LMO7: variants seen among roughly 807,000 people sequenced by gnomAD.
The protein encoded by LMO7 is LIM domain only protein 7.
In LMO7, 120 loss-of-function variants were observed where a neutral mutation model predicts 206.5. That is an observed-to-expected ratio of 0.58 (90% CI 0.50 to 0.68). The LOEUF (loss-of-function observed/expected upper bound fraction) is 0.68. LMO7 is among the 30% of genes least tolerant of loss of function. The pLI, the probability that LMO7 is intolerant of heterozygous loss-of-function variation, is 0.00. For synonymous variants in LMO7, 706 were observed against 681.5 expected (o/e 1.04, Z -0.56); for missense variants, 1,959 against 1,957.9 (o/e 1.00, Z -0.01).
intron 1 of LMO7, among the ~76,000 whole-genome samples, chr13:75,697,872 C>A (rs765677108): frequency 6.6e-6 from 1 of 152,118 alleles, no homozygotes; most frequent in Non-Finnish European, 1.5e-5. Context: ...TTGTTGAGAT[C>A]GCTTAAGGCC....
At position 75,835,262 on chromosome 13, in the gene LMO7, A is replaced by G; in HGVS notation, c.3256A>G (p.Thr1086Ala). ...GSPETKWIDA[T>A]SGIYNSEKSS... ...ACCTGAAACAAAGTGGATTGATGCA[A>G]CTTCTGGAATTTACAACTCAGAAAA... The change falls in exon 18 of 31, where the codon ACT (threonine) becomes GCT (alanine). Residue 1086 changes from threonine to alanine, a missense_variant. Thr to Ala is a moderately conservative substitution (Grantham distance 58). Transcript: ENST00000377534. The G allele has an allele frequency of 6.2e-7, 1 of 1,612,286 alleles. No homozygotes were observed. The highest frequency in any genetic ancestry group is 2.2e-5 in the East Asian group (1 of 44,784).
In LMO7 at chr13:75,804,222, C is replaced by T. The variant is rs1236597753; in HGVS notation, c.662-67C>T. ...TTCTAAGGGAAAGACAAAGCAGGCG[C>T]GCTGTGTGGGTTTCAGTTAGGCGAA... On this transcript the variant is annotated intron_variant, in intron 7 of 30. Coordinates refer to ENST00000377534, the MANE Select transcript of LMO7 (RefSeq NM_001306080.2). 92 of 1,498,534 alleles carry T rather than the reference C, an allele frequency of 6.1e-5. 2 individuals carry two copies. In the South Asian group the frequency reaches 9.0e-4, roughly 15 times the overall value. 92.8% of individuals were successfully genotyped at this position (1,498,534 alleles called of 1,614,324 possible). A position where few individuals can be genotyped will look rare whatever the true frequency, so the allele number is the denominator to read the frequency against.
At chr13:75,669,219 G>T (rs2139357752) in intron 1 of LMO7, among the ~76,000 whole-genome samples, 1 of 152,294 alleles carries the variant, frequency 6.6e-6, no homozygotes, top group South Asian at 2.1e-4. Context: ...TTATGTTTCA[G>T]AGAGTTTCTG....
intron 1 of LMO7, among the ~76,000 whole-genome samples, chr13:75,702,539 T>G (rs1168767487): frequency 6.6e-6 from 1 of 152,222 alleles, no homozygotes; most frequent in Non-Finnish European, 1.5e-5. Context: ...CCCAATATTA[T>G]GTAGTACAAT....
At chr13:75,630,449 G>T (rs2034768242) in intron 2 of LMO7, among the ~76,000 whole-genome samples, 1 of 152,200 alleles carries the variant, frequency 6.6e-6, no homozygotes, top group South Asian at 2.1e-4. Flanking sequence ...GAGGCGGGTG[G>T]ATTGCTTGAG....
In LMO7 at chr13:75,629,585, T is replaced by C. The variant is rs574605108; in HGVS notation, c.225+6265T>C. Reference sequence around the variant, plus strand: ...GGGAGAAGCACAGGTCAAGTCGTGGTTAGAGAAGCAGGAAGGAGCAGATCC... The same window carrying C: ...GGGAGAAGCACAGGTCAAGTCGTGGCTAGAGAAGCAGGAAGGAGCAGATCC... On this transcript the variant is annotated intron_variant, in intron 2 of 29. Coordinates refer to the LMO7 transcript ENST00000341547. 2.0e-5 allele frequency among the ~76,000 whole-genome samples: 3 copies of C among 152,190 alleles called. No homozygotes were observed. In the South Asian group the frequency reaches 6.2e-4, roughly 32 times the overall value.
intron 6 of LMO7, 125 bp downstream of exon 6, chr13:75,796,874 C>A: frequency 1.5e-6 from 1 of 649,650 alleles, no homozygotes; most frequent in Non-Finnish European, 2.7e-6. Flanking sequence ...CTCTCTTTGT[C>A]CTACTATCAA....
chr13:75,715,236 C>T (rs1449076861), intron 2 of LMO7, among the ~76,000 whole-genome samples: 2 of 152,128 alleles, frequency 1.3e-5, no homozygotes, highest in African/African-American at 4.8e-5. Context: ...CTATACCCAG[C>T]CTGAAAAGAT....
chr13:75,811,561 G>A (rs1389331334), intron 11 of LMO7, among the ~76,000 whole-genome samples: 1 of 152,100 alleles, frequency 6.6e-6, no homozygotes. Context: ...TAACATGAAT[G>A]CTTTCTTTTT....
chr13:75,833,294 A>G (rs2058836519), intron 16 of LMO7, 129 bp downstream of exon 16: 2 of 632,372 alleles, frequency 3.2e-6, no homozygotes, highest in South Asian at 2.0e-5. Flanking sequence ...CCATAAGGCC[A>G]GAAAATACAT....
Position 75,838,105 on chromosome 13 carries a change from A to G in LMO7, c.3395-35A>G, listed in dbSNP as rs1595436784. 2.4e-6 allele frequency: 3 copies of G among 1,272,796 alleles called. No individual in the cohort carries two copies. The East Asian group carries it at 7.0e-5, about 30-fold the overall frequency. The allele number at this position is 1,272,796 out of a possible 1,614,324, so 78.8% of individuals were successfully genotyped here. A position where few individuals can be genotyped will look rare whatever the true frequency, so the allele number is the denominator to read the frequency against. ...AATTTACCAATGGTGAGAAATAAAA[A>G]TGAATGACATAGTGTTTATTTTTTT... On this transcript the variant is annotated intron_variant, in intron 19 of 30. Coordinates refer to ENST00000377534, the MANE Select transcript of LMO7 (RefSeq NM_001306080.2).
At chr13:75,769,173 T>C (rs2049298974) in intron 4 of LMO7, among the ~76,000 whole-genome samples, 1 of 152,064 alleles carries the variant, frequency 6.6e-6, no homozygotes, top group Non-Finnish European at 1.5e-5. Flanking sequence ...TGAATGTTGT[T>C]TATTGGCTGT....
intron 1 of LMO7, among the ~76,000 whole-genome samples, chr13:75,647,951 C>CTTTCTTT (rs1555286938): frequency 0.013 from 1,184 of 91,136 alleles, 31 homozygotes; most frequent in African/African-American, 0.017. Flanking sequence ...TCTTTTCTTT[C>CTTTCTTT]TTTTTTTTTT....
Position 75,636,526 on chromosome 13 carries a change from C to T in LMO7, c.-132C>T. 5 of 1,517,714 alleles carry T rather than the reference C, an allele frequency of 3.3e-6. No homozygotes were observed. The highest frequency in any genetic ancestry group is 4.4e-6 in the Non-Finnish European group (5 of 1,140,564). 94.0% of individuals were successfully genotyped at this position (1,517,714 alleles called of 1,614,324 possible). A position where few individuals can be genotyped will look rare whatever the true frequency, so the allele number is the denominator to read the frequency against. On this transcript the variant is annotated 5_prime_UTR_variant, in exon 1 of 31. Coordinates refer to ENST00000377534, the MANE Select transcript of LMO7 (RefSeq NM_001306080.2). ...ACAAAGGGAACTAGAGCCCCGGCGC[C>T]TTCGCAGCCGGAGCGGAAGCCGGAG... is the stretch of plus-strand genomic sequence containing the variant.
Position 75,800,874 on chromosome 13 carries a change from G to A in LMO7, c.653G>A (p.Gly218Glu). 2 of 1,613,626 alleles carry A rather than the reference G, an allele frequency of 1.2e-6. No homozygotes were observed. Among genetic ancestry groups the A allele is most frequent in the East Asian group, 2.2e-5 (1 of 44,870 alleles). ...SCSSDITLRG[G>E]REGFESDTDS... The stretch of plus-strand genomic sequence containing the variant: ...TCCTCTGATATCACGTTGAGAGGGG[G>A]GCGTGAAGGTGTGTTGTGTTTTGGC... Residue 218 changes from glycine to glutamate, a missense_variant, in exon 7 of 31, where the codon GGG becomes GAG. Gly to Glu is a moderately conservative substitution (Grantham distance 98). Transcript: ENST00000377534.
At chr13:75,844,402 C>G (rs1272843765) in intron 25 of LMO7, among the ~76,000 whole-genome samples, 2 of 149,300 alleles carry the variant, frequency 1.3e-5, no homozygotes, top group African/African-American at 4.9e-5. Context: ...TTTTCTTTTT[C>G]TTTTGTTTTT....
chr13:75,651,802 T>A lies in LMO7; in HGVS notation c.69+15076T>A, dbSNP rs2037596228. Among the ~76,000 whole-genome samples, 5 of 152,260 alleles carry A rather than the reference T, an allele frequency of 3.3e-5. No individual in the cohort carries two copies. The South Asian group carries it at 1.0e-3, about 32-fold the overall frequency. On this transcript the variant is annotated intron_variant, in intron 1 of 30. Coordinates refer to ENST00000377534, the MANE Select transcript of LMO7 (RefSeq NM_001306080.2). Reference sequence around the variant, plus strand: ...CTAAAAGATGTCAAGCATCCTCTGCTTGTGGCTAGTCCAGGTCTTAAAGGA... The same window carrying A: ...CTAAAAGATGTCAAGCATCCTCTGCATGTGGCTAGTCCAGGTCTTAAAGGA...
At chr13:75,648,040 TG>T (rs2037210640) in intron 1 of LMO7, among the ~76,000 whole-genome samples, 1 of 147,152 alleles carries the variant, frequency 6.8e-6, no homozygotes. Flanking sequence ...CTTGAATTCC[TG>T]GGCTCAACTG....
chr13:75,689,391 A>G (rs531120120), intron 1 of LMO7, among the ~76,000 whole-genome samples: 1 of 152,340 alleles, frequency 6.6e-6, no homozygotes, highest in Admixed American at 6.5e-5. Flanking sequence ...GCTATTTTCC[A>G]AGATACAGCA....
Sources: gnomAD v4.1 joint callset for allele counts (sites outside exome capture counted in the v4.1 genomes callset) on GRCh38, gnomAD v4.1.1 for gene constraint, MANE v1.5 for transcripts, NCBI Gene and HGNC (gene_info 2026-07-23, HGNC 2026-07-21) for gene names.